The following FRYL variants were observed in gnomAD, a reference collection of about 807,000 sequenced individuals.
FRYL encodes protein furry homolog-like.
FRYL carries 150 observed loss-of-function variants against 351.2 expected under a neutral mutation model. The observed-to-expected ratio is 0.43, with a 90% CI of 0.37 to 0.49. The LOEUF (loss-of-function observed/expected upper bound fraction) is 0.49. FRYL is among the 20% of genes least tolerant of loss of function. The pLI, the probability that FRYL is intolerant of heterozygous loss-of-function variation, is 0.00. For synonymous variants in FRYL, 1,153 were observed against 1,257.1 expected, an observed-to-expected ratio of 0.92 and a Z score of 1.75; for missense variants, 3,036 against 3,619.3, an observed-to-expected ratio of 0.84 and a Z score of 4.13.
chr4:48,506,360 C>CCTGT (rs1429621127), intron 59 of FRYL: 1 of 150,590 alleles, frequency 6.6e-6, no homozygotes, highest in Non-Finnish European at 1.5e-5. Context: ...ATAGGGAGAC[C>CCTGT]CTGTCTCTAA....
Position 48,551,497 on chromosome 4 carries a change from T to TC in FRYL, c.4516dup (p.Glu1506GlyfsTer29). 6.3e-7 allele frequency: 1 copy of TC among 1,590,972 alleles called. No homozygotes were observed. The highest frequency in any genetic ancestry group is 8.6e-7 in the Non-Finnish European group (1 of 1,160,118). ...TACAGAACAGAGAAGTACTTACCTC[T>TC]CTTCAATATTCTCTTTAATGGGCTT... On this transcript the variant is annotated frameshift_variant, in exon 37 of 64. Coordinates refer to ENST00000358350, the MANE Select transcript of FRYL (RefSeq NM_015030.2). LOFTEE classifies it high-confidence loss of function.
intron 7 of FRYL, 40 bp downstream of exon 7, chr4:48,619,234 G>T: frequency 3.1e-6 from 4 of 1,277,002 alleles, no homozygotes; most frequent in Non-Finnish European, 4.6e-6. Context: ...AGTAAGCAAA[G>T]AATAAGGAAT....
At chr4:48,642,151 G>C (rs545844293) in intron 3 of FRYL, among the ~76,000 whole-genome samples, 85 of 152,108 alleles carry the variant, frequency 5.6e-4, no homozygotes, top group South Asian at 3.5e-3. Context: ...GTTAGTACCA[G>C]ACTTTTTATT....
chr4:48,715,991 C>G (rs1768777253), intron 1 of FRYL, among the ~76,000 whole-genome samples: 1 of 152,132 alleles, frequency 6.6e-6, no homozygotes, highest in Non-Finnish European at 1.5e-5. Flanking sequence ...ACTATCTGAT[C>G]TTTGACAAAC....
At chr4:48,691,392 T>G (rs77569234) in intron 2 of FRYL, among the ~76,000 whole-genome samples, 1 of 152,142 alleles carries the variant, frequency 6.6e-6, no homozygotes, top group Non-Finnish European at 1.5e-5. Flanking sequence ...CATCCATCAA[T>G]TTTTTTAAAA....
chr4:48,503,161 A>T (rs1266496126), intron 60 of FRYL, among the ~76,000 whole-genome samples: 26 of 149,860 alleles, frequency 1.7e-4, no homozygotes, highest in South Asian at 1.7e-3. Context: ...TCCAGGTTTA[A>T]AAAAAAAAAA....
intron 62 of FRYL, 102 bp downstream of exon 62, chr4:48,501,521 C>A: frequency 1.4e-6 from 1 of 718,004 alleles, no homozygotes; most frequent in South Asian, 1.6e-5. Flanking sequence ...AAAAGACTCA[C>A]TCTAAGTGAC....
At chr4:48,677,423 T>G (rs558028160) in intron 3 of FRYL, among the ~76,000 whole-genome samples, 15 of 152,118 alleles carry the variant, frequency 9.9e-5, no homozygotes, top group African/African-American at 2.2e-4. Flanking sequence ...TTTTGTTTTT[T>G]TTTTTGAGAC....
intron 1 of FRYL, among the ~76,000 whole-genome samples, chr4:48,735,180 CA>C (rs1771184891): frequency 1.1e-5 from 1 of 88,186 alleles, no homozygotes. Context: ...AGACACTTCT[CA>C]AAAGAAGACA....
intron 3 of FRYL, chr4:48,680,985 T>C (rs1466368385): frequency 7.0e-6 from 9 of 1,278,540 alleles, no homozygotes; most frequent in African/African-American, 1.5e-5. Flanking sequence ...TGGTTCCACC[T>C]TGCTCATCCA....
At position 48,655,687 on chromosome 4, in the gene FRYL, T is replaced by C. The variant is rs1463200347; in HGVS notation, c.-80-21197A>G. On this transcript the variant is annotated intron_variant, in intron 3 of 63. Transcript: ENST00000358350. Reference sequence around the variant, plus strand: ...ATAATGTATAATGTATTATATAATGTATATATTATATAATGTATATATACA... The same window carrying C: ...ATAATGTATAATGTATTATATAATGCATATATTATATAATGTATATATACA... Among the ~76,000 whole-genome samples the C allele has an allele frequency of 2.7e-5, 4 of 147,160 alleles. No individual in the cohort carries two copies. In the Admixed American group the frequency reaches 2.7e-4, roughly 10 times the overall value.
Position 48,521,136 on chromosome 4 carries a change from C to T in FRYL, c.7601G>A (p.Ser2534Asn). The T allele has an allele frequency of 1.2e-6, 2 of 1,613,298 alleles. No individual in the cohort carries two copies. The highest frequency in any genetic ancestry group is 2.2e-5 in the East Asian group (1 of 44,880). Reference sequence around the variant, plus strand: ...TTGAAGCACTTCCTCTGTTGTGATGCTGCCAGTGGAATCTTCAGACTGGAG... The same window carrying T: ...TTGAAGCACTTCCTCTGTTGTGATGTTGCCAGTGGAATCTTCAGACTGGAG... ...LLLQSEDSTGSITTEEVLQIR... is the reference protein window; with the variant it reads ...LLLQSEDSTGNITTEEVLQIR... The change falls in exon 55 of 64, where the codon AGC becomes AAC. Residue 2534 changes from serine (S) to asparagine (N), a missense_variant. Ser to Asn is a conservative substitution (Grantham distance 46). Coordinates refer to ENST00000358350, the MANE Select transcript of FRYL (RefSeq NM_015030.2).
intron 62 of FRYL, 73 bp from the exon 63 acceptor site, chr4:48,500,293 T>C (rs2148692660): frequency 1.1e-6 from 1 of 876,262 alleles, no homozygotes; most frequent in Non-Finnish European, 1.7e-6. Context: ...TACAAGAATA[T>C]ACCTGATGGC....
chr4:48,582,527 G>A lies in FRYL; in HGVS notation c.1956C>T (p.Ala652=). The change falls in exon 20 of 64, where the codon GCC becomes GCT. Residue 652 remains alanine (A), a synonymous_variant. Transcript: ENST00000358350. ...TGTCCTGGTTTTTATTATGCATTTG[G>A]GCTGCTTGTTTCCACTGATTTATTA... The part of the protein sequence containing the change: ...VQLINQWKQA[A]QMHNKNQDTQ... The A allele has an allele frequency of 6.2e-7, 1 of 1,613,508 alleles. No homozygotes were observed. Among genetic ancestry groups the A allele is most frequent in the Non-Finnish European group, 8.5e-7 (1 of 1,179,518 alleles).
At position 48,605,251 on chromosome 4, in the gene FRYL, T is replaced by C. The variant is rs370682003; in HGVS notation, c.834+490A>G. ...CACGTCAATCACTCTCATTAATATT[T>C]CAAATTCTTAACTTTTAAAACAATT... On this transcript the variant is annotated intron_variant, in intron 11 of 63. Coordinates refer to ENST00000358350, the MANE Select transcript of FRYL (RefSeq NM_015030.2). Among the ~76,000 whole-genome samples the C allele has an allele frequency of 3.3e-5, 5 of 152,328 alleles. No individual in the cohort carries two copies. In the East Asian group the frequency reaches 9.6e-4, roughly 29 times the overall value.
chr4:48,571,732 A>G, intron 26 of FRYL: 2 of 972,866 alleles, frequency 2.1e-6, no homozygotes, highest in Non-Finnish European at 2.4e-6. Context: ...ATTCATTTGA[A>G]ACAGGATGAT....
intron 48 of FRYL, among the ~76,000 whole-genome samples, chr4:48,534,980 G>T (rs1728546616): frequency 6.6e-6 from 1 of 152,076 alleles, no homozygotes; most frequent in Non-Finnish European, 1.5e-5. Context: ...TTAGTGACTA[G>T]GAATCTCTTG....
chr4:48,548,847 G>A (rs1732038028), intron 39 of FRYL, 54 bp from the exon 40 acceptor site: 3 of 1,016,318 alleles, frequency 3.0e-6, no homozygotes, highest in Non-Finnish European at 3.0e-6. Flanking sequence ...TAAACCTAGA[G>A]AGAATTTGGT....
At chr4:48,558,164 C>T (rs1338600383) in intron 33 of FRYL, among the ~76,000 whole-genome samples, 3 of 152,052 alleles carry the variant, frequency 2.0e-5, no homozygotes, top group African/African-American at 7.2e-5. Context: ...GTGGAAGCAA[C>T]CTAAATGTCC....
Sources: allele counts gnomAD v4.1 joint callset (sites outside exome capture counted in the v4.1 genomes callset), GRCh38; gene constraint gnomAD v4.1.1; transcripts MANE v1.5; gene names NCBI Gene and HGNC (gene_info 2026-07-23, HGNC 2026-07-21).